Variants in MTERF4 observed in about 807,000 individuals in gnomAD.
MTERF4 encodes transcription termination factor 4, mitochondrial.
A neutral mutation model predicts 22.5 loss-of-function variants in MTERF4; 17 were observed. The observed-to-expected ratio is 0.75, with a 90% CI of 0.52 to 1.13. The LOEUF is 1.13. MTERF4 is among the 50% of genes most tolerant of loss of function. The pLI is 0.00. For missense variants in MTERF4, 420 were observed against 466.8 expected (o/e 0.90, Z 0.92); for synonymous variants, 165 against 175.3 (o/e 0.94, Z 0.47).
At chr2:241,074,881 A>G (rs2062946736) in exon 5 of MTERF4, 1 of 152,224 alleles carries the variant, frequency 6.6e-6, no homozygotes, top group Admixed American at 6.5e-5. Flanking sequence ...CCCTCAGTTA[A>G]CCATGATCCT....
At chr2:241,046,125 A>C in the MTERF4 span, among the ~76,000 whole-genome samples, 2 of 152,242 alleles carry the variant, frequency 1.3e-5, no homozygotes, top group South Asian at 4.1e-4. Context: ...GAATCACAAC[A>C]AACTCATTAG....
intron 1 of MTERF4, 102 bp downstream of exon 1, chr2:241,102,151 C>T: frequency 6.6e-7 from 1 of 1,506,206 alleles, no homozygotes; most frequent in Non-Finnish European, 9.0e-7. Context: ...TCCGGGAGGG[C>T]TCCACGACCT....
At chr2:241,093,748 T>A (rs1247669341), downstream of MTERF4, 1 of 152,328 alleles carries the variant, frequency 6.6e-6, no homozygotes, top group African/African-American at 2.4e-5. Context: ...GGAATTACAG[T>A]TCGTTCTTGA....
chr2:241,043,824 T>C, the MTERF4 span, among the ~76,000 whole-genome samples: 1 of 152,198 alleles, frequency 6.6e-6, no homozygotes, highest in Non-Finnish European at 1.5e-5. Flanking sequence ...ATAGACAATA[T>C]GTAAATGAAT....
downstream of MTERF4, chr2:241,088,413 G>C (rs1559318981): frequency 6.2e-7 from 1 of 1,608,080 alleles, no homozygotes; most frequent in African/African-American, 1.3e-5. Flanking sequence ...GTACGTCCCT[G>C]CTGCTCCCGC....
At position 241,095,979 on chromosome 2, in the gene MTERF4, T is replaced by C; in HGVS notation, c.*19A>G. 6.2e-7 allele frequency: 1 copy of C among 1,611,624 alleles called. No homozygotes were observed. Among genetic ancestry groups the C allele is most frequent in the South Asian group, 1.1e-5 (1 of 90,864 alleles). ...CCTTGATATCTCTGGGCCCTTTCGC[T>C]CTAGTCCTTCCATCACAGCTATTCC... On this transcript the variant is annotated 3_prime_UTR_variant, in exon 4 of 4. Transcript: ENST00000391980.
At chr2:241,088,254 T>C, downstream of MTERF4, 1 of 785,246 alleles carries the variant, frequency 1.3e-6, no homozygotes, top group Non-Finnish European at 2.3e-6. Context: ...CACCGTGGAA[T>C]GTATGTGAGC....
the MTERF4 span, chr2:241,048,324 C>T: frequency 6.2e-7 from 1 of 1,605,046 alleles, no homozygotes; most frequent in South Asian, 1.1e-5. Context: ...GGAGACCATC[C>T]AGTGCCAGAC....
Position 241,096,347 on chromosome 2 carries a change from ATG to A in MTERF4, c.795_796del (p.Ile266LeufsTer12). Reference sequence around the variant, plus strand: ...GTACCGTCCCAGGCGCTCCAGGTAAATGTGTCTCTGCTTAATCTTGGTTAGTG... The same window carrying A: ...GTACCGTCCCAGGCGCTCCAGGTAAATGTCTCTGCTTAATCTTGGTTAGTG... On this transcript the variant is annotated frameshift_variant, in exon 4 of 4. Coordinates refer to ENST00000391980, the MANE Select transcript of MTERF4 (RefSeq NM_182501.4). LOFTEE classifies it low-confidence loss of function (END_TRUNC). This position sits in a 1 kb window ranked among gnomAD's most constrained non-coding sequence, Gnocchi z 5.1. 1 of 1,614,108 alleles carries A rather than the reference ATG, an allele frequency of 6.2e-7. No homozygotes were observed. The highest frequency in any genetic ancestry group is 1.1e-5 in the South Asian group (1 of 91,064).
the MTERF4 span, chr2:241,048,264 C>A: frequency 1.3e-6 from 2 of 1,529,366 alleles, no homozygotes; most frequent in South Asian, 1.3e-5. Context: ...GGGGAGACCA[C>A]TCTCCCCACA....
At chr2:241,071,787 T>C, downstream of MTERF4, 2 of 1,413,426 alleles carry the variant, frequency 1.4e-6, no homozygotes, top group Non-Finnish European at 1.9e-6. Context: ...CCTCCCACCC[T>C]CTCTGCAGGT....
chr2:241,096,916 C>T lies in MTERF4; in HGVS notation c.705+327G>A. On this transcript the variant is annotated intron_variant, in intron 3 of 3. Transcript: ENST00000391980. The surrounding 1 kb of genome is among the most constrained non-coding windows in gnomAD (Gnocchi z 5.1). ...TTTAAAATTAGCTATTTCAGAGTCC[C>T]CACTTAGACTCTAAGAATAGGACTG... The T allele has an allele frequency of 1.7e-6, 1 of 588,130 alleles. No individual in the cohort carries two copies. The highest frequency in any genetic ancestry group is 3.0e-6 in the Non-Finnish European group (1 of 334,130). The allele number at this position is 588,130 out of a possible 1,614,324, so 36.4% of individuals were successfully genotyped here.
intron 4 of MTERF4, among the ~76,000 whole-genome samples, chr2:241,079,387 G>C (rs1250314267): frequency 1.3e-5 from 2 of 151,262 alleles, no homozygotes; most frequent in African/African-American, 4.9e-5. Context: ...ACTCCAGCCT[G>C]GGCGACAGAG....
intron 4 of MTERF4, among the ~76,000 whole-genome samples, chr2:241,080,433 T>A (rs1235538080): frequency 2.0e-5 from 3 of 152,200 alleles, no homozygotes; most frequent in African/African-American, 7.2e-5. Context: ...CATCCCATAA[T>A]AGGGAGCGGT....
At chr2:241,069,162 G>A (rs1446341312), downstream of MTERF4, 3 of 623,522 alleles carry the variant, frequency 4.8e-6, no homozygotes, top group African/African-American at 1.8e-5. The surrounding 1 kb of genome is among the most constrained non-coding windows in gnomAD (Gnocchi z 4.9). Context: ...TGTCTCTTCC[G>A]CTGGGGCCAC....
At chr2:241,051,864 C>T in the MTERF4 span, 20 of 1,536,414 alleles carry the variant, frequency 1.3e-5, no homozygotes, top group African/African-American at 5.5e-5. The surrounding 1 kb of genome is among the most constrained non-coding windows in gnomAD (Gnocchi z 4.7). Flanking sequence ...GAGATCGGTG[C>T]GGCCCCCAGG....
chr2:241,051,676 A>C, the MTERF4 span: 113 of 1,233,200 alleles, frequency 9.2e-5, no homozygotes, highest in Middle Eastern at 5.9e-4. The surrounding 1 kb of genome is among the most constrained non-coding windows in gnomAD (Gnocchi z 4.7). Context: ...AGATGCCAGG[A>C]GGGTATAGTG....
the MTERF4 span, among the ~76,000 whole-genome samples, chr2:241,060,711 G>A: frequency 6.6e-6 from 1 of 152,138 alleles, no homozygotes; most frequent in Non-Finnish European, 1.5e-5. Context: ...GGGAGGCCAA[G>A]ACAGGAGTTT....
intron 4 of MTERF4, among the ~76,000 whole-genome samples, chr2:241,077,898 C>T (rs1053890948): frequency 6.6e-6 from 1 of 152,134 alleles, no homozygotes; most frequent in Non-Finnish European, 1.5e-5. Context: ...GGTACAGCTG[C>T]TCTGGAAAAC....
Sources: allele counts gnomAD v4.1 joint callset (sites outside exome capture counted in the v4.1 genomes callset), GRCh38; gene constraint gnomAD v4.1.1; non-coding constraint Gnocchi (gnomAD v3.1); transcripts MANE v1.5; gene names NCBI Gene and HGNC (gene_info 2026-07-23, HGNC 2026-07-21).